The following VWA8 variants were observed in gnomAD, a reference collection of about 807,000 sequenced individuals.
VWA8 encodes von Willebrand factor A domain-containing protein 8.
In VWA8, 221 loss-of-function variants were observed where a neutral mutation model predicts 241.5. The observed-to-expected ratio is 0.91, with a 90% confidence interval of 0.82 to 1.02. VWA8 has a LOEUF of 1.02. VWA8 is among the 50% of genes least tolerant of loss of function. The pLI is 0.00. For missense variants in VWA8, 2,322 were observed against 2,328.7 expected (o/e 1.00, Z 0.06); for synonymous variants, 852 against 827.1 (o/e 1.03, Z -0.52).
Position 41,594,247 on chromosome 13 carries a change from T to C in VWA8, c.4987-3482A>G, listed in dbSNP as rs148623072. On this transcript the variant is annotated intron_variant, in intron 40 of 44. Coordinates refer to ENST00000379310, the MANE Select transcript of VWA8 (RefSeq NM_015058.2). ...TAGTGATCTTACCACCTCAGCCTCC[T>C]AAGTAGCTGAGACTACAGGCATGTA... Among the ~76,000 whole-genome samples, 7 of 151,828 alleles carry C rather than the reference T, an allele frequency of 4.6e-5. No individual in the cohort carries two copies. The East Asian group carries it at 1.4e-3, about 29-fold the overall frequency.
chr13:41,881,520 C>CT (rs1358423573), intron 9 of VWA8, among the ~76,000 whole-genome samples: 2 of 146 alleles, frequency 0.014, no homozygotes, highest in Non-Finnish European at 0.023. Flanking sequence ...CACCTTTCCC[C>CT]CCTTCTGTTC....
At chr13:41,927,594 C>CA (rs1289165207) in intron 2 of VWA8, among the ~76,000 whole-genome samples, 2 of 147,430 alleles carry the variant, frequency 1.4e-5, no homozygotes, top group African/African-American at 4.9e-5. Flanking sequence ...ACCTGCAAAA[C>CA]AAAAAAGTAT....
intron 20 of VWA8, among the ~76,000 whole-genome samples, chr13:41,768,350 C>T (rs1275050129): frequency 6.6e-6 from 1 of 152,214 alleles, no homozygotes; most frequent in Non-Finnish European, 1.5e-5. Flanking sequence ...AAAATTCATA[C>T]ATTCTTTAAT....
At chr13:41,851,417 T>C (rs149511864) in intron 12 of VWA8, among the ~76,000 whole-genome samples, 25 of 152,350 alleles carry the variant, frequency 1.6e-4, no homozygotes, top group Non-Finnish European at 3.1e-4. Context: ...AGTGATATGG[T>C]TTGGCTATGT....
intron 20 of VWA8, among the ~76,000 whole-genome samples, chr13:41,776,932 T>C (rs1289098077): frequency 6.6e-6 from 1 of 152,140 alleles, no homozygotes; most frequent in African/African-American, 2.4e-5. Flanking sequence ...ATAAAGAATA[T>C]GTATTATTTT....
intron 17 of VWA8, among the ~76,000 whole-genome samples, chr13:41,788,264 G>A (rs1011100067): frequency 5.3e-5 from 8 of 152,148 alleles, no homozygotes; most frequent in Admixed American, 5.2e-4. Context: ...ACCACTATGT[G>A]ATATAACGTT....
intron 12 of VWA8, among the ~76,000 whole-genome samples, chr13:41,854,548 C>A (rs1872662119): frequency 6.6e-6 from 1 of 150,562 alleles, no homozygotes; most frequent in Non-Finnish European, 1.5e-5. Context: ...CCTTTTTCTG[C>A]ATGCACAGGA....
At chr13:41,603,362 C>G (rs750731432) in intron 40 of VWA8, among the ~76,000 whole-genome samples, 1 of 152,080 alleles carries the variant, frequency 6.6e-6, no homozygotes, top group Non-Finnish European at 1.5e-5. Context: ...AGCAGTGGAC[C>G]TGACTTTTCA....
At chr13:41,926,342 C>A (rs1876833132) in intron 2 of VWA8, 1 of 581,320 alleles carries the variant, frequency 1.7e-6, no homozygotes, top group Admixed American at 2.2e-5. Context: ...GCTCTAAGAT[C>A]ATCACATGTA....
At chr13:41,779,807 A>G (rs1219271336) in intron 19 of VWA8, among the ~76,000 whole-genome samples, 1 of 152,154 alleles carries the variant, frequency 6.6e-6, no homozygotes, top group Non-Finnish European at 1.5e-5. Context: ...AAATAATCCA[A>G]ACTATATCTG....
intron 24 of VWA8, among the ~76,000 whole-genome samples, chr13:41,723,050 GT>G (rs139310728): frequency 1.7e-3 from 257 of 152,314 alleles, no homozygotes; most frequent in Non-Finnish European, 3.3e-3. Flanking sequence ...CCACAAAAGG[GT>G]GTAGGAAGAT....
rs919669300 is a variant in VWA8 at position 41,634,305 on chromosome 13, T to C, written c.4612-19221A>G. Among the ~76,000 whole-genome samples the C allele has an allele frequency of 3.3e-5, 5 of 152,198 alleles. 1 individual carries two copies. In the East Asian group the frequency reaches 9.6e-4, roughly 29 times the overall value. On this transcript the variant is annotated intron_variant, in intron 37 of 44. Coordinates refer to ENST00000379310, the MANE Select transcript of VWA8 (RefSeq NM_015058.2). ...TTCATGACACTTAGGAATTTTTTCATGTCTGTCTCCCTCTACTTTATGATT... is the reference window on the plus strand; with the variant it reads ...TTCATGACACTTAGGAATTTTTTCACGTCTGTCTCCCTCTACTTTATGATT...
At chr13:41,954,016 G>A (rs951684060) in intron 1 of VWA8, among the ~76,000 whole-genome samples, 1 of 152,120 alleles carries the variant, frequency 6.6e-6, no homozygotes, top group South Asian at 2.1e-4. Context: ...GGTGATCAAT[G>A]AGCCACATCT....
intron 9 of VWA8, among the ~76,000 whole-genome samples, chr13:41,879,490 T>C (rs991156125): frequency 6.6e-6 from 1 of 151,992 alleles, no homozygotes; most frequent in Non-Finnish European, 1.5e-5. Context: ...TGTCTCTTTA[T>C]TGACCATTAT....
At chr13:41,760,998 A>G in intron 21 of VWA8, 130 bp downstream of exon 21, 1 of 898,886 alleles carries the variant, frequency 1.1e-6, no homozygotes, top group Non-Finnish European at 1.7e-6. Context: ...GAGAAGAGAT[A>G]AGAGCAAGAA....
intron 37 of VWA8, among the ~76,000 whole-genome samples, chr13:41,661,931 T>C (rs921303992): frequency 6.6e-6 from 1 of 152,200 alleles, no homozygotes; most frequent in East Asian, 1.9e-4. Context: ...TGTTGTGGCA[T>C]CTTTGTTGAA....
At chr13:41,621,645 G>A (rs1240577374) in intron 37 of VWA8, among the ~76,000 whole-genome samples, 1 of 152,114 alleles carries the variant, frequency 6.6e-6, no homozygotes, top group African/African-American at 2.4e-5. Context: ...ATCTCCCTAA[G>A]ACATTTCACA....
intron 2 of VWA8, among the ~76,000 whole-genome samples, chr13:41,919,296 C>T (rs551129909): frequency 6.6e-6 from 1 of 152,138 alleles, no homozygotes; most frequent in African/African-American, 2.4e-5. Context: ...ACTACCAGCT[C>T]GCATCACTAC....
chr13:41,700,256 G>A (rs11147859), intron 28 of VWA8, among the ~76,000 whole-genome samples: 1 of 151,942 alleles, frequency 6.6e-6, no homozygotes, highest in East Asian at 1.9e-4. Context: ...GTGTCTGTGT[G>A]TGTATGCATC....
Sources: gnomAD v4.1 joint callset for allele counts (sites outside exome capture counted in the v4.1 genomes callset) on GRCh38, gnomAD v4.1.1 for gene constraint, MANE v1.5 for transcripts, NCBI Gene and HGNC (gene_info 2026-07-23, HGNC 2026-07-21) for gene names.